The following TTN variants were observed in gnomAD, a reference collection of about 807,000 sequenced individuals.
TTN encodes titin, also known as connectin.
TTN carries 1,525 observed loss-of-function variants against 3,223.0 expected under a neutral mutation model. The ratio of observed to expected loss-of-function variants is 0.47; its 90% CI spans 0.45 to 0.49. The LOEUF (loss-of-function observed/expected upper bound fraction) is 0.49, where lower values mean the gene tolerates loss of function less well. Among genes scored for constraint, TTN ranks in the 20% least tolerant of loss-of-function variants. TTN has a pLI of 0.00. For synonymous variants in TTN, 14,094 were observed against 15,161.0 expected (o/e 0.93, Z 5.17); for missense variants, 40,786 against 43,424.0 (o/e 0.94, Z 5.40).
At chr2:178,688,299 G>GTT in intron 126 of TTN, 75 bp from the exon 127 acceptor site, 2 of 1,283,442 alleles carry the variant, frequency 1.6e-6, no homozygotes, top group Non-Finnish European at 2.3e-6. Context: ...GGTCACTACA[G>GTT]ATGGATAACT....
chr2:178,696,393 T>A, intron 113 of TTN, 124 bp from the exon 114 acceptor site: 4 of 897,556 alleles, frequency 4.5e-6, no homozygotes, highest in African/African-American at 1.7e-5. Flanking sequence ...ATTTGTTTTT[T>A]TTTTTTGTAT....
At position 178,535,671 on chromosome 2, in the gene TTN, T is replaced by A; in HGVS notation, c.100944A>T (p.Arg33648Ser). 6.2e-7 allele frequency: 1 copy of A among 1,613,810 alleles called. No individual in the cohort carries two copies. The highest frequency in any genetic ancestry group is 8.5e-7 in the Non-Finnish European group (1 of 1,179,788). ...NNGHYQVIVT[R>S]SFTSLVFPNG... is the part of the protein sequence containing the mutation. ...TGGGGAAAACAAGTGATGTGAAGGA[T>A]CTTGTGACAATAACTTGGTAGTGGC... Residue 33648 changes from arginine to serine, a missense_variant, in exon 358 of 363, where the codon AGA (arginine) becomes AGT (serine). Transcript: ENST00000589042.
intron 295 of TTN, 132 bp downstream of exon 295, chr2:178,595,375 C>T (rs2051274026): frequency 3.8e-6 from 3 of 781,486 alleles, no homozygotes; most frequent in Non-Finnish European, 2.0e-6. Context: ...AAATCAGATA[C>T]TGAGTAGTTG....
chr2:178,639,974 C>A, intron 222 of TTN, 74 bp downstream of exon 222: 1 of 1,554,080 alleles, frequency 6.4e-7, no homozygotes, highest in Non-Finnish European at 8.8e-7. Context: ...CACCTACTAT[C>A]TTTTATTAAG....
chr2:178,676,764 A>T lies in TTN; in HGVS notation c.34378+437T>A, dbSNP rs546178849. ...ATATGTATTAGAAGACATAACTATTATTCTGTGTTTTGATAAATACATTCA... is the reference window on the plus strand; with the variant it reads ...ATATGTATTAGAAGACATAACTATTTTTCTGTGTTTTGATAAATACATTCA... On this transcript the variant is annotated intron_variant, in intron 147 of 362. Transcript: ENST00000589042. Among the ~76,000 whole-genome samples, 4 of 152,020 alleles carry T rather than the reference A, an allele frequency of 2.6e-5. No individual in the cohort carries two copies. In the East Asian group the frequency reaches 7.7e-4, roughly 29 times the overall value.
At chr2:178,773,000 G>T in intron 33 of TTN, 109 bp downstream of exon 33, 1 of 1,417,772 alleles carries the variant, frequency 7.1e-7, no homozygotes, top group Non-Finnish European at 9.8e-7. Context: ...AACAGCATAA[G>T]CAGAGGCATG....
Position 178,611,884 on chromosome 2 carries a change from A to G in TTN, c.50425T>C (p.Cys16809Arg). Reference sequence around the variant, plus strand: ...ATGACATCAGTTACTCTGAAGTTACAGTCAGGTCCTGCAGTCTTTCCAGCT... The same window carrying G: ...ATGACATCAGTTACTCTGAAGTTACGGTCAGGTCCTGCAGTCTTTCCAGCT... Reference protein sequence around the residue: ...VKAGKTAGPDCNFRVTDVIEG... With the variant: ...VKAGKTAGPDRNFRVTDVIEG... The change falls in exon 268 of 363, where the codon TGT becomes CGT. Residue 16809 changes from cysteine (C) to arginine (R), a missense_variant. Physicochemically the swap from Cys to Arg is radical, Grantham distance 180. Transcript: ENST00000589042. 6.2e-7 allele frequency: 1 copy of G among 1,612,908 alleles called. No homozygotes were observed. Among genetic ancestry groups the G allele is most frequent in the Non-Finnish European group, 8.5e-7 (1 of 1,179,284 alleles).
rs111645864 is a variant in TTN, at chr2:178,684,729, G to A, written c.32575C>T (p.Pro10859Ser). 4.3e-6 allele frequency: 7 copies of A among 1,613,170 alleles called. No individual in the cohort carries two copies. In the Admixed American group the frequency reaches 6.7e-5, roughly 15 times the overall value. ...GGAGGAACCTTTTTTTCTGGAACTG[G>A]TTTCTTTGGCTCTTCTGGCACTTAA... ...PPKVPEEPKK[P>S]VPEKKVPPKV... The change falls in exon 131 of 363, where the codon CCA becomes TCA. Residue 10859 changes from proline (P) to serine (S), a missense_variant. Physicochemically the swap from Pro to Ser is moderately conservative, Grantham distance 74. Transcript: ENST00000589042.
rs372981584 is a variant in TTN at position 178,688,163 on chromosome 2, A to G, written c.32259T>C (p.Tyr10753=). 7.4e-6 allele frequency: 12 copies of G among 1,612,866 alleles called. No homozygotes were observed. Among genetic ancestry groups the G allele is most frequent in the African/African-American group, 1.3e-5 (1 of 74,910 alleles). ...EEEEGVSISV[Y]REEEREEEEE... ...CCTCCTCCTCTCTTTCTTCTTCTCT[A>G]TAAACTGAAATGGACACACCTTCCT... Residue 10753 remains tyrosine (Y), a synonymous_variant, in exon 127 of 363, where the codon TAT becomes TAC. Transcript: ENST00000589042.
At position 178,590,511 on chromosome 2, in the gene TTN, C is replaced by T. The variant is rs749894610; in HGVS notation, c.61214G>A (p.Gly20405Glu). 5.6e-6 allele frequency: 9 copies of T among 1,613,064 alleles called. No homozygotes were observed. In the South Asian group the frequency reaches 9.9e-5, roughly 18 times the overall value. ...PLSDGGSPIL[G>E]YVVECQKPGT... ...AGGTTTCTGACATTCCACTACATAT[C>T]CTAGAATGGGGCTACCACCATCACT... The change falls in exon 304 of 363, where the codon GGA becomes GAA. Residue 20405 changes from glycine (G) to glutamate (E), a missense_variant. Coordinates refer to ENST00000589042, the MANE Select transcript of TTN (RefSeq NM_001267550.2).
At position 178,800,628 on chromosome 2, in the gene TTN, T is replaced by A. The variant is rs2094009394; in HGVS notation, c.350A>T (p.Gln117Leu). The stretch of plus-strand genomic sequence containing the variant: ...CACTTGGAGTCTCACTTGGCTTCCT[T>A]GTCTCACGGTCATGCTCTGCAGTCG... ...VQRLQSMTVR[Q>L]GSQVRLQVRV... The change falls in exon 4 of 363, where the codon CAA (glutamine) becomes CTA (leucine). Residue 117 changes from glutamine to leucine, a missense_variant. Gln to Leu is a moderately radical substitution (Grantham distance 113, BLOSUM62 -2). Coordinates refer to ENST00000589042, the MANE Select transcript of TTN (RefSeq NM_001267550.2). 1 of 1,612,550 alleles carries A rather than the reference T, an allele frequency of 6.2e-7. No individual in the cohort carries two copies. The highest frequency in any genetic ancestry group is 2.2e-5 in the East Asian group (1 of 44,856).
intron 208 of TTN, 59 bp from the exon 209 acceptor site, chr2:178,650,893 C>A (rs2062826713): frequency 1.3e-6 from 2 of 1,495,890 alleles, no homozygotes; most frequent in Admixed American, 3.9e-5. Flanking sequence ...TAAATTTATA[C>A]CACATCGACT....
At chr2:178,716,138 G>C (rs2077451860) in intron 88 of TTN, among the ~76,000 whole-genome samples, 1 of 152,126 alleles carries the variant, frequency 6.6e-6, no homozygotes, top group Non-Finnish European at 1.5e-5. Flanking sequence ...TTTGATTACT[G>C]TCTTGTATAT....
At position 178,756,484 on chromosome 2, in the gene TTN, C is replaced by T. The variant is rs1342447901; in HGVS notation, c.10992G>A (p.Leu3664=). ...ACTTTACAGTGACGTCCTGAAGATG[C>T]AGGAAAATCTTGGGCGCCTCACCCG... The part of the protein sequence containing the change: ...ESTGEAPKIF[L]HLQDVTVKCG... Residue 3664 remains leucine, a synonymous_variant, in exon 46 of 363, where the codon CTG becomes CTA. Coordinates refer to ENST00000589042, the MANE Select transcript of TTN (RefSeq NM_001267550.2). The T allele has an allele frequency of 6.2e-7, 1 of 1,613,658 alleles. No homozygotes were observed. The highest frequency in any genetic ancestry group is 8.5e-7 in the Non-Finnish European group (1 of 1,179,820).
intron 240 of TTN, among the ~76,000 whole-genome samples, chr2:178,625,880 AG>A (rs2058966451): frequency 6.6e-6 from 1 of 152,050 alleles, no homozygotes; most frequent in Non-Finnish European, 1.5e-5. Context: ...AGAAAATTTT[AG>A]GGTTTCATAG....
At chr2:178,733,179 C>A in intron 54 of TTN, 58 bp from the exon 55 acceptor site, 1 of 1,557,200 alleles carries the variant, frequency 6.4e-7, no homozygotes, top group South Asian at 1.2e-5. Flanking sequence ...CAGTGATTGA[C>A]TTTAGGCCAT....
intron 49 of TTN, among the ~76,000 whole-genome samples, chr2:178,736,869 C>G (rs576667804): frequency 6.6e-6 from 1 of 152,052 alleles, no homozygotes; most frequent in Non-Finnish European, 1.5e-5. Context: ...CTTAGGATCA[C>G]GTAAAAGGAT....
In TTN at chr2:178,646,471, A is replaced by C; in HGVS notation, c.40297+14T>G. ...AATATGATAAAGAAGATTTAAGTCC[A>C]CTGGATTGAATACCTTTTACTGGTA... On this transcript the variant is annotated intron_variant, in intron 216 of 362. Transcript: ENST00000589042. 2 of 1,527,568 alleles carry C rather than the reference A, an allele frequency of 1.3e-6. No homozygotes were observed. The highest frequency in any genetic ancestry group is 1.8e-6 in the Non-Finnish European group (2 of 1,127,244). The allele number at this position is 1,527,568 out of a possible 1,614,324, so 94.6% of individuals were successfully genotyped here. A position where few individuals can be genotyped will look rare whatever the true frequency, so the allele number is the denominator to read the frequency against.
chr2:178,778,681 C>G (rs749669761), intron 24 of TTN, 193 bp downstream of exon 24: 15 of 713,534 alleles, frequency 2.1e-5, no homozygotes, highest in Non-Finnish European at 3.0e-5. Context: ...GTATGTTACA[C>G]TGATGAAAAT....
Sources: allele counts gnomAD v4.1 joint callset (sites outside exome capture counted in the v4.1 genomes callset), GRCh38; gene constraint gnomAD v4.1.1; transcripts MANE v1.5; gene names NCBI Gene and HGNC (gene_info 2026-07-23, HGNC 2026-07-21).